The following ZFYVE9 variants were observed in gnomAD, a reference collection of about 807,000 sequenced individuals.
ZFYVE9 encodes zinc finger FYVE domain-containing protein 9.
In ZFYVE9, 43 loss-of-function variants were observed where a neutral mutation model predicts 126.7. The observed-to-expected ratio is 0.34, with a 90% CI of 0.27 to 0.44. The LOEUF is 0.44. Ranked by LOEUF, ZFYVE9 falls within the 20% of genes least tolerant of loss-of-function variation. The pLI is 1.00. For missense variants in ZFYVE9, 1,476 were observed against 1,697.0 expected, an observed-to-expected ratio of 0.87 and a Z score of 2.29; for synonymous variants, 521 against 597.4, an observed-to-expected ratio of 0.87 and a Z score of 1.87.
chr1:52,274,587 A>C lies in ZFYVE9; in HGVS notation c.2746+3A>C. On this transcript the variant is annotated splice_donor_region_variant and intron_variant, in intron 8 of 18. Transcript: ENST00000287727. ...CATCTCCACTGGTGTAAAAGGAGGT[A>C]AGTGGACTACATATTTAAACAGTGA... 1 of 1,603,888 alleles carries C rather than the reference A, an allele frequency of 6.2e-7. No homozygotes were observed. Among genetic ancestry groups the C allele is most frequent in the Non-Finnish European group, 8.5e-7 (1 of 1,173,110 alleles).
chr1:52,332,643 TG>T, intron 13 of ZFYVE9, 124 bp from the exon 14 acceptor site: 1 of 1,094,396 alleles, frequency 9.1e-7, no homozygotes, highest in Non-Finnish European at 1.3e-6. Context: ...CATTATTTGG[TG>T]GCCCTTTTTG....
chr1:52,229,655 T>G (rs947281467), intron 2 of ZFYVE9, among the ~76,000 whole-genome samples: 2 of 152,166 alleles, frequency 1.3e-5, no homozygotes, highest in African/African-American at 4.8e-5. Context: ...AGGCTCTATG[T>G]GAATCACCAG....
At chr1:52,325,258 G>A (rs149702873) in intron 13 of ZFYVE9, among the ~76,000 whole-genome samples, 1,848 of 152,182 alleles carry the variant, frequency 0.012, 32 homozygotes, top group African/African-American at 0.042. Flanking sequence ...AACGTGGGAG[G>A]CAGAGCTTGC....
intron 4 of ZFYVE9, among the ~76,000 whole-genome samples, chr1:52,249,686 AATC>A: frequency 6.6e-6 from 1 of 152,332 alleles, no homozygotes; most frequent in South Asian, 2.1e-4. Context: ...ATATCAAAGA[AATC>A]ATCTCCAAAT....
intron 1 of ZFYVE9, among the ~76,000 whole-genome samples, chr1:52,209,060 A>G (rs1466231016): frequency 6.6e-6 from 1 of 152,198 alleles, no homozygotes; most frequent in East Asian, 1.9e-4. Flanking sequence ...ATGACAAAAG[A>G]AGCAATCTCT....
At chr1:52,255,412 C>T (rs1645494822) in intron 4 of ZFYVE9, among the ~76,000 whole-genome samples, 1 of 151,120 alleles carries the variant, frequency 6.6e-6, no homozygotes, top group Non-Finnish European at 1.5e-5. Context: ...ATGGAGAAAC[C>T]CTGACTCTAC....
At chr1:52,334,910 G>C in intron 15 of ZFYVE9, 142 bp downstream of exon 15, 1 of 730,066 alleles carries the variant, frequency 1.4e-6, no homozygotes, top group Non-Finnish European at 2.2e-6. Context: ...TGCCATGAGA[G>C]TGCTTAGTTC....
In ZFYVE9 at chr1:52,238,793, A is replaced by G; in HGVS notation, c.1376A>G (p.Glu459Gly). 1 of 1,614,134 alleles carries G rather than the reference A, an allele frequency of 6.2e-7. No homozygotes were observed. The highest frequency in any genetic ancestry group is 8.5e-7 in the Non-Finnish European group (1 of 1,179,980). The part of the protein sequence containing the change: ...LKGTCISESE[E>G]CDFSTVIDTP... ...GGAACTTGCATTAGTGAAAGTGAAG[A>G]ATGTGATTTCTCCACTGTTATAGAC... The change falls in exon 4 of 19, where the codon GAA (glutamate) becomes GGA (glycine). Residue 459 changes from glutamate (E) to glycine (G), a missense_variant. Glu to Gly is a moderately conservative substitution (Grantham distance 98, BLOSUM62 -2). Coordinates refer to ENST00000287727, the MANE Select transcript of ZFYVE9 (RefSeq NM_004799.4).
rs143040207 is a variant in ZFYVE9 at position 52,274,465 on chromosome 1, C to T, written c.2627C>T (p.Thr876Met). 261 of 1,604,134 alleles carry T rather than the reference C, an allele frequency of 1.6e-4. No individual in the cohort carries two copies. Among genetic ancestry groups the T allele is most frequent in the Middle Eastern group, 6.7e-4 (4 of 5,984 alleles). Residue 876 changes from threonine to methionine, a missense_variant and splice_region_variant, in exon 8 of 19, where the codon ACG (threonine) becomes ATG (methionine). Thr to Met is a moderately conservative substitution (Grantham distance 81, BLOSUM62 -1). Transcript: ENST00000287727. ...PVTTSPLPAE[T>M]DICLFSGSIT... ...ACTTTGTTGATTTGCTTTTCCTAGA[C>T]GGATATTTGTCTATTCTCTGGGAGT...
chr1:52,240,824 C>T (rs1415345692), intron 4 of ZFYVE9, among the ~76,000 whole-genome samples: 1 of 151,954 alleles, frequency 6.6e-6, no homozygotes, highest in Non-Finnish European at 1.5e-5. Flanking sequence ...ATTTATTGGC[C>T]AATTTTAGAC....
chr1:52,198,160 C>T (rs1644882442), intron 1 of ZFYVE9, among the ~76,000 whole-genome samples: 1 of 109,352 alleles, frequency 9.1e-6, no homozygotes, highest in Non-Finnish European at 1.7e-5. Context: ...CTCACTCTGT[C>T]ACCCAAACTG....
At chr1:52,314,036 C>G (rs1365377981) in intron 13 of ZFYVE9, among the ~76,000 whole-genome samples, 1 of 151,762 alleles carries the variant, frequency 6.6e-6, no homozygotes. Flanking sequence ...GGTGGTGGAC[C>G]TAAAAAATAT....
At chr1:52,160,748 A>T (rs1316435209) in intron 1 of ZFYVE9, 3 of 388,850 alleles carry the variant, frequency 7.7e-6, no homozygotes, top group Non-Finnish European at 1.4e-5. Context: ...TTGATTCTTT[A>T]TGAATAAAAA....
intron 10 of ZFYVE9, among the ~76,000 whole-genome samples, chr1:52,292,996 T>G (rs1486542980): frequency 6.6e-6 from 1 of 152,118 alleles, no homozygotes; most frequent in Non-Finnish European, 1.5e-5. Flanking sequence ...AAAATCAGCT[T>G]TTTAAATGTA....
chr1:52,155,351 C>T (rs1400591912), intron 1 of ZFYVE9, among the ~76,000 whole-genome samples: 2 of 151,470 alleles, frequency 1.3e-5, no homozygotes, highest in East Asian at 3.9e-4. Flanking sequence ...TCTCCTGCCT[C>T]AGCCTCCCGA....
chr1:52,292,413 T>C (rs1645930589), intron 10 of ZFYVE9, among the ~76,000 whole-genome samples: 1 of 151,866 alleles, frequency 6.6e-6, no homozygotes, highest in Non-Finnish European at 1.5e-5. Context: ...GAGTTGACTT[T>C]GTTCACCCAG....
rs1259234266 is a variant in ZFYVE9 at position 52,238,609 on chromosome 1, G to A, written c.1192G>A (p.Asp398Asn). The change falls in exon 4 of 19, where the codon GAC (aspartate) becomes AAC (asparagine). Residue 398 changes from aspartate to asparagine, a missense_variant. Asp to Asn is a conservative substitution (Grantham distance 23). Coordinates refer to ENST00000287727, the MANE Select transcript of ZFYVE9 (RefSeq NM_004799.4). The stretch of plus-strand genomic sequence containing the variant: ...GACAGAGCATTTCTCTGAATCTCAG[G>A]ACATGACTAATTGGAAGTTGACTAA... ...NMTEHFSESQ[D>N]MTNWKLTKLN... 6.2e-7 allele frequency: 1 copy of A among 1,614,028 alleles called. No individual in the cohort carries two copies. The highest frequency in any genetic ancestry group is 1.1e-5 in the South Asian group (1 of 91,050).
chr1:52,298,142 T>A (rs962203355), intron 12 of ZFYVE9, among the ~76,000 whole-genome samples: 3 of 152,222 alleles, frequency 2.0e-5, no homozygotes, highest in African/African-American at 7.2e-5. Flanking sequence ...GTGCAAAATC[T>A]TTTTAGTTTG....
At chr1:52,221,957 A>G (rs545108282) in intron 2 of ZFYVE9, among the ~76,000 whole-genome samples, 1 of 152,252 alleles carries the variant, frequency 6.6e-6, no homozygotes, top group East Asian at 1.9e-4. Context: ...CAATCCTGAG[A>G]ATTTCCTAAG....
Sources: allele counts gnomAD v4.1 joint callset (sites outside exome capture counted in the v4.1 genomes callset), GRCh38; gene constraint gnomAD v4.1.1; transcripts MANE v1.5; gene names NCBI Gene and HGNC (gene_info 2026-07-23, HGNC 2026-07-21).